Variants in HUNK observed in about 807,000 individuals in gnomAD.
HUNK encodes hormonally up-regulated Neu-associated kinase, also known as hormonally up-regulated neu tumor-associated kinase.
In HUNK, 21 loss-of-function variants were observed where a neutral mutation model predicts 61.0. That is an observed-to-expected ratio of 0.34 (90% CI 0.24 to 0.50). HUNK has a LOEUF of 0.50. HUNK is among the 20% of genes least tolerant of loss of function. The probability of loss-of-function intolerance (pLI) is 0.98; values close to 1 mark genes in which losing one functional copy is unlikely to be tolerated. For synonymous variants in HUNK, 371 were observed against 386.1 expected, an observed-to-expected ratio of 0.96 and a Z score of 0.46; for missense variants, 772 against 945.7, an observed-to-expected ratio of 0.82 and a Z score of 2.41.
intron 7 of HUNK, among the ~76,000 whole-genome samples, chr21:31,981,399 C>T (rs1421475544): frequency 2.0e-5 from 3 of 149,232 alleles, no homozygotes; most frequent in African/African-American, 7.5e-5. Flanking sequence ...CTGTGAAAAA[C>T]GTCATTGGAA....
chr21:31,960,556 A>T (rs1191297626), intron 5 of HUNK, among the ~76,000 whole-genome samples: 2 of 152,200 alleles, frequency 1.3e-5, no homozygotes, highest in African/African-American at 4.8e-5. Context: ...TAATTTATAA[A>T]GGAAAGAGGT....
chr21:31,924,820 G>C lies in HUNK; in HGVS notation c.554+60G>C. 1 of 1,427,284 alleles carries C rather than the reference G, an allele frequency of 7.0e-7. No homozygotes were observed. Among genetic ancestry groups the C allele is most frequent in the South Asian group, 1.4e-5 (1 of 73,868 alleles). The allele number at this position is 1,427,284 out of a possible 1,614,324, so 88.4% of individuals were successfully genotyped here. ...TGTGCTCCGTGGGTGGCACTGGGCT[G>C]TGGCACCCTCTGAGCCTCTGAGAAA... On this transcript the variant is annotated intron_variant, in intron 2 of 10. Transcript: ENST00000270112. This position sits in a 1 kb window ranked among gnomAD's most constrained non-coding sequence, Gnocchi z 5.1.
rs113053808 is a variant in HUNK, at chr21:31,940,274, A to G, written c.610+54A>G. 6.1e-6 allele frequency: 7 copies of G among 1,145,428 alleles called. No homozygotes were observed. In the African/African-American group the frequency reaches 9.5e-5, roughly 16 times the overall value. 71.0% of individuals were successfully genotyped at this position (1,145,428 alleles called of 1,614,324 possible). The stretch of plus-strand genomic sequence containing the variant: ...AGTATCTTTTAAGTGTTGTGTTGTC[A>G]GTTCTCAACTTTGAAAATTATCCAT... On this transcript the variant is annotated intron_variant, in intron 3 of 10. Coordinates refer to ENST00000270112, the MANE Select transcript of HUNK (RefSeq NM_014586.2).
chr21:31,956,260 A>G (rs1170842049), intron 4 of HUNK, among the ~76,000 whole-genome samples: 5 of 152,132 alleles, frequency 3.3e-5, no homozygotes, highest in Non-Finnish European at 7.4e-5. Context: ...GGAAAGCTTT[A>G]TTTTTGCATA....
chr21:31,990,558 T>C (rs1453664627), intron 9 of HUNK, among the ~76,000 whole-genome samples: 2 of 147,376 alleles, frequency 1.4e-5, no homozygotes, highest in Non-Finnish European at 3.0e-5. Context: ...TATTTATTTA[T>C]TGAGTCTCGC....
chr21:31,976,866 G>A (rs1195635805), intron 7 of HUNK, among the ~76,000 whole-genome samples: 2 of 151,624 alleles, frequency 1.3e-5, no homozygotes. Context: ...TGCTTCCTGG[G>A]TTCAAGTGAT....
In HUNK at chr21:31,995,966, ACTCT is replaced by A; in HGVS notation, c.1486+22_1486+25del. 6.2e-7 allele frequency: 1 copy of A among 1,600,512 alleles called. No individual in the cohort carries two copies. The highest frequency in any genetic ancestry group is 8.5e-7 in the Non-Finnish European group (1 of 1,171,136). ...CGACAAAGGTGGGTCAGCTCTGGGG[ACTCT>A]CTCAGGCCACTCGTGTTGGGCTGTG... On this transcript the variant is annotated intron_variant, in intron 10 of 10. Coordinates refer to ENST00000270112, the MANE Select transcript of HUNK (RefSeq NM_014586.2).
rs532201881 is a variant in HUNK, at chr21:31,995,188, T to C, written c.1306-580T>C. On this transcript the variant is annotated intron_variant, in intron 9 of 10. Coordinates refer to ENST00000270112, the MANE Select transcript of HUNK (RefSeq NM_014586.2). Reference sequence around the variant, plus strand: ...AAAAAAAAAAAAAAAAAAAGCTTCATACACACGTTCATACACACGAGTACT... The same window carrying C: ...AAAAAAAAAAAAAAAAAAAGCTTCACACACACGTTCATACACACGAGTACT... 2.8e-3 allele frequency among the ~76,000 whole-genome samples: 395 copies of C among 140,714 alleles called. 5 individuals are homozygous for C. The highest frequency in any genetic ancestry group is 0.023 in the Middle Eastern group (6 of 266). 92.3% of individuals were successfully genotyped at this position (140,714 alleles called of 152,430 possible).
intron 7 of HUNK, among the ~76,000 whole-genome samples, chr21:31,976,830 G>T (rs2053053681): frequency 1.3e-5 from 2 of 151,124 alleles, no homozygotes; most frequent in African/African-American, 4.9e-5. Context: ...GAGTGCAGTG[G>T]CATGATCTCG....
At chr21:31,955,258 A>ATT (rs10654162) in intron 4 of HUNK, among the ~76,000 whole-genome samples, 17,187 of 144,900 alleles carry the variant, frequency 0.12, 1,369 homozygotes, top group Non-Finnish European at 0.18. Context: ...AATAAAAGTG[A>ATT]TTTTTTTTTT....
chr21:31,897,541 C>T (rs569188040), intron 1 of HUNK, among the ~76,000 whole-genome samples: 1 of 152,238 alleles, frequency 6.6e-6, no homozygotes, highest in South Asian at 2.1e-4. Context: ...GGATTAGGGC[C>T]CACCATAATG....
In HUNK at chr21:31,967,216, C is replaced by T. The variant is rs139322469; in HGVS notation, c.875-1034C>T. ...AAATAAAAAAAGTATCCAGGTGTGACGGTGCATGCCTGTAGTCTCACCTAC... is the reference window on the plus strand; with the variant it reads ...AAATAAAAAAAGTATCCAGGTGTGATGGTGCATGCCTGTAGTCTCACCTAC... On this transcript the variant is annotated intron_variant, in intron 5 of 10. Transcript: ENST00000270112. 7.3e-4 allele frequency among the ~76,000 whole-genome samples: 111 copies of T among 152,086 alleles called. No homozygotes were observed. In the East Asian group the frequency reaches 0.018, roughly 25 times the overall value.
chr21:31,899,434 G>A (rs1289056490), intron 1 of HUNK, among the ~76,000 whole-genome samples: 1 of 152,026 alleles, frequency 6.6e-6, no homozygotes, highest in African/African-American at 2.4e-5. Flanking sequence ...GACCTTTGCT[G>A]TGTGTGTGTG....
At chr21:31,952,604 A>AT (rs35878396) in intron 4 of HUNK, among the ~76,000 whole-genome samples, 4 of 151,642 alleles carry the variant, frequency 2.6e-5, no homozygotes, top group African/African-American at 9.7e-5. Flanking sequence ...TCCAGGGAGT[A>AT]TTTTTTTTTG....
intron 6 of HUNK, among the ~76,000 whole-genome samples, chr21:31,973,613 T>C (rs968546625): frequency 6.9e-6 from 1 of 144,646 alleles, no homozygotes; most frequent in African/African-American, 2.7e-5. Flanking sequence ...TGATGATGGA[T>C]GTGTCTGTTT....
chr21:31,882,725 A>G (rs1280033863), intron 1 of HUNK, among the ~76,000 whole-genome samples: 1 of 152,166 alleles, frequency 6.6e-6, no homozygotes, highest in Admixed American at 6.5e-5. Context: ...TACTAAGTAT[A>G]GTCACCCTAA....
chr21:31,985,971 C>T (rs549158599), intron 8 of HUNK, among the ~76,000 whole-genome samples: 3 of 152,042 alleles, frequency 2.0e-5, no homozygotes, highest in South Asian at 2.1e-4. Context: ...CTGTGGGGCT[C>T]GGGGAAGATG....
chr21:31,909,128 A>T (rs1215172419), intron 1 of HUNK, among the ~76,000 whole-genome samples: 1 of 152,222 alleles, frequency 6.6e-6, no homozygotes. Context: ...TGTGGATAAT[A>T]AATGCATCTT....
At position 31,999,190 on chromosome 21, in the gene HUNK, G is replaced by A; in HGVS notation, c.*6G>A. On this transcript the variant is annotated 3_prime_UTR_variant, in exon 11 of 11. Transcript: ENST00000270112. Reference sequence around the variant, plus strand: ...GGGTCAAGACCCAGTGCTAACTTGGGCCAGCGGGGTTTGGGGTATCTCTAG... The same window carrying A: ...GGGTCAAGACCCAGTGCTAACTTGGACCAGCGGGGTTTGGGGTATCTCTAG... 3.8e-6 allele frequency: 6 copies of A among 1,588,754 alleles called. No homozygotes were observed. The highest frequency in any genetic ancestry group is 5.1e-6 in the Non-Finnish European group (6 of 1,167,924).
Sources: allele counts gnomAD v4.1 joint callset (sites outside exome capture counted in the v4.1 genomes callset), GRCh38; gene constraint gnomAD v4.1.1; non-coding constraint Gnocchi (gnomAD v3.1); transcripts MANE v1.5; gene names NCBI Gene and HGNC (gene_info 2026-07-23, HGNC 2026-07-21).